ACTR3C: variants seen among roughly 807,000 people sequenced by gnomAD.
The protein encoded by ACTR3C is actin-related protein 3C.
ACTR3C carries 18 observed loss-of-function variants against 26.3 expected under a neutral mutation model. The ratio of observed to expected loss-of-function variants is 0.68; its 90% confidence interval spans 0.47 to 1.01. The LOEUF (loss-of-function observed/expected upper bound fraction) is 1.01, where lower values mean the gene tolerates loss of function less well. ACTR3C is among the 50% of genes least tolerant of loss of function. ACTR3C has a pLI of 0.00. For synonymous variants in ACTR3C, 55 were observed against 94.5 expected, an observed-to-expected ratio of 0.58 and a Z score of 2.42; for missense variants, 184 against 250.7, an observed-to-expected ratio of 0.73 and a Z score of 1.80.
the ACTR3C span, among the ~76,000 whole-genome samples, chr7:150,113,261 A>C: frequency 6.6e-6 from 1 of 150,398 alleles, no homozygotes; most frequent in Non-Finnish European, 1.5e-5. Flanking sequence ...AAAAAAAAAA[A>C]TGGTTTGAAT....
chr7:149,897,082 A>C, the ACTR3C span, among the ~76,000 whole-genome samples: 1 of 150,202 alleles, frequency 6.7e-6, no homozygotes, highest in Non-Finnish European at 1.5e-5. Flanking sequence ...AAAAAAAAAA[A>C]CAAGAGCTAC....
At chr7:149,992,809 TC>T in the ACTR3C span, among the ~76,000 whole-genome samples, 1 of 152,080 alleles carries the variant, frequency 6.6e-6, no homozygotes, top group African/African-American at 2.4e-5. Flanking sequence ...CGAGGTGAAG[TC>T]CCACCATAGG....
chr7:150,136,341 C>T, the ACTR3C span, among the ~76,000 whole-genome samples: 1 of 152,174 alleles, frequency 6.6e-6, no homozygotes, highest in Non-Finnish European at 1.5e-5. Context: ...CATTACATTT[C>T]AACAACTCTG....
At chr7:150,133,515 A>G in the ACTR3C span, among the ~76,000 whole-genome samples, 350 of 150,670 alleles carry the variant, frequency 2.3e-3, no homozygotes, top group Non-Finnish European at 3.0e-3. Flanking sequence ...GTCACATATC[A>G]TGCTGAGCTT....
chr7:149,930,327 T>A, the ACTR3C span, among the ~76,000 whole-genome samples: 1 of 152,216 alleles, frequency 6.6e-6, no homozygotes, highest in Admixed American at 6.5e-5. Flanking sequence ...TATTTTGATA[T>A]AAAAGGATAT....
At chr7:150,207,686 A>G in the ACTR3C span, among the ~76,000 whole-genome samples, 1 of 152,118 alleles carries the variant, frequency 6.6e-6, no homozygotes, top group Non-Finnish European at 1.5e-5. Flanking sequence ...GGTGACATTC[A>G]TGAAAAAGTT....
At chr7:149,946,373 G>T in the ACTR3C span, among the ~76,000 whole-genome samples, 4 of 152,170 alleles carry the variant, frequency 2.6e-5, no homozygotes, top group Non-Finnish European at 1.5e-5. Flanking sequence ...TGTGCCCTCG[G>T]GCCTTTCTTT....
chr7:150,198,664 G>A, the ACTR3C span, among the ~76,000 whole-genome samples: 1 of 149,286 alleles, frequency 6.7e-6, no homozygotes, highest in African/African-American at 2.5e-5. Context: ...CCCCGTCTGA[G>A]AAGTGAGGAG....
intron 1 of ACTR3C, among the ~76,000 whole-genome samples, chr7:150,297,538 C>T (rs1214578787): frequency 6.6e-6 from 1 of 152,166 alleles, no homozygotes; most frequent in African/African-American, 2.4e-5. Flanking sequence ...GCAATGAAGC[C>T]ATTTAAGACG....
At chr7:150,137,302 G>A in the ACTR3C span, among the ~76,000 whole-genome samples, 2 of 152,112 alleles carry the variant, frequency 1.3e-5, no homozygotes, top group Non-Finnish European at 2.9e-5. Context: ...ACCTTCTCCA[G>A]GTTTTCTCGG....
the ACTR3C span, among the ~76,000 whole-genome samples, chr7:150,229,489 C>CTTTTTTTA: frequency 6.6e-6 from 1 of 151,002 alleles, no homozygotes; most frequent in Non-Finnish European, 1.5e-5. Context: ...TAGAGTGAAT[C>CTTTTTTTA]TTTTTTTATT....
At chr7:150,132,865 T>C in the ACTR3C span, among the ~76,000 whole-genome samples, 1 of 152,112 alleles carries the variant, frequency 6.6e-6, no homozygotes, top group East Asian at 1.9e-4. Context: ...CCACCAATGG[T>C]GAACTGGATG....
the ACTR3C span, among the ~76,000 whole-genome samples, chr7:150,150,110 A>G: frequency 0.013 from 1,941 of 152,084 alleles, 25 homozygotes; most frequent in African/African-American, 0.045. Context: ...CAGGAAGAAG[A>G]AACAGATTTG....
At chr7:150,263,901 G>A (rs1833836226) in intron 6 of ACTR3C, among the ~76,000 whole-genome samples, 1 of 152,226 alleles carries the variant, frequency 6.6e-6, no homozygotes, top group Admixed American at 6.5e-5. Context: ...TTTCATGGCT[G>A]AATCTTTATT....
At chr7:149,988,708 G>C in the ACTR3C span, among the ~76,000 whole-genome samples, 34,507 of 152,084 alleles carry the variant, frequency 0.23, 3,967 homozygotes, top group South Asian at 0.29. Context: ...TCAGCACCCT[G>C]AGAGAGTTAA....
the ACTR3C span, among the ~76,000 whole-genome samples, chr7:150,176,145 A>T: frequency 2.6e-5 from 4 of 150,948 alleles, no homozygotes. Context: ...AGTATTTCTG[A>T]GCCTTTTATA....
At chr7:150,049,405 A>T in the ACTR3C span, among the ~76,000 whole-genome samples, 1 of 152,122 alleles carries the variant, frequency 6.6e-6, no homozygotes, top group Non-Finnish European at 1.5e-5. Context: ...CAGAGGGGGG[A>T]ACCTGTGAGA....
intron 6 of ACTR3C, among the ~76,000 whole-genome samples, chr7:150,249,397 A>T (rs1466728622): frequency 2.0e-5 from 3 of 151,736 alleles, no homozygotes; most frequent in Non-Finnish European, 2.9e-5. Context: ...TGCATAACAA[A>T]CCTACCCTTA....
At chr7:150,319,413 C>T (rs1252984204) in intron 1 of ACTR3C, among the ~76,000 whole-genome samples, 1 of 152,114 alleles carries the variant, frequency 6.6e-6, no homozygotes, top group African/African-American at 2.4e-5. Context: ...CTCCATGTTT[C>T]TCAGGCTGGT....
Sources: allele counts gnomAD v4.1 joint callset (sites outside exome capture counted in the v4.1 genomes callset), GRCh38; gene constraint gnomAD v4.1.1; transcripts MANE v1.5; gene names NCBI Gene and HGNC (gene_info 2026-07-23, HGNC 2026-07-21).